Variants in CNTN5 observed in about 807,000 individuals in gnomAD.
CNTN5 encodes the protein contactin 5, also known as contactin-5.
Under a neutral mutation model 129.1 loss-of-function variants are expected in CNTN5, and 77 were observed. The observed-to-expected ratio is 0.60, with a 90% CI of 0.50 to 0.72. The LOEUF (loss-of-function observed/expected upper bound fraction) is 0.72. Ranked by LOEUF, CNTN5 falls within the 30% of genes least tolerant of loss-of-function variation. CNTN5 has a pLI of 0.00. For missense variants in CNTN5, 1,478 were observed against 1,328.8 expected, an observed-to-expected ratio of 1.11 and a Z score of -1.75; for synonymous variants, 509 against 465.6, an observed-to-expected ratio of 1.09 and a Z score of -1.20.
chr11:100,152,535 C>A (rs1051782552), intron 13 of CNTN5, among the ~76,000 whole-genome samples: 2 of 152,042 alleles, frequency 1.3e-5, no homozygotes, highest in Admixed American at 6.6e-5. Flanking sequence ...GCTGATGAAG[C>A]TGTGATGAAG....
At chr11:99,204,859 C>A (rs1285824908) in intron 1 of CNTN5, among the ~76,000 whole-genome samples, 1 of 152,152 alleles carries the variant, frequency 6.6e-6, no homozygotes, top group Admixed American at 6.5e-5. Context: ...CAGTTCCTTG[C>A]ACTTTTATTT....
intron 2 of CNTN5, among the ~76,000 whole-genome samples, chr11:99,485,876 T>C (rs10893402): frequency 0.58 from 87,527 of 151,756 alleles, 25,592 homozygotes; most frequent in South Asian, 0.67. Context: ...ATCAAGCAAT[T>C]GGTTTTCATT....
chr11:100,163,103 A>G (rs1591339320), intron 13 of CNTN5, among the ~76,000 whole-genome samples: 2 of 151,738 alleles, frequency 1.3e-5, no homozygotes, highest in East Asian at 3.9e-4. Context: ...ATCTTTCAAA[A>G]TCTCTGTACT....
chr11:99,972,997 T>G (rs2137314346), intron 8 of CNTN5, among the ~76,000 whole-genome samples: 1 of 152,166 alleles, frequency 6.6e-6, no homozygotes, highest in South Asian at 2.1e-4. Flanking sequence ...TTTAAAAAGA[T>G]ACATATTTCT....
At chr11:99,770,121 C>T (rs1041166477) in intron 3 of CNTN5, among the ~76,000 whole-genome samples, 1 of 151,948 alleles carries the variant, frequency 6.6e-6, no homozygotes, top group Non-Finnish European at 1.5e-5. Flanking sequence ...TTAAAATTTA[C>T]TTGAATTTGT....
intron 1 of CNTN5, among the ~76,000 whole-genome samples, chr11:99,035,909 C>A (rs1245465538): frequency 2.7e-5 from 4 of 146,810 alleles, no homozygotes; most frequent in African/African-American, 7.6e-5. Context: ...CGGCTGGTAC[C>A]AGTTGTTCCT....
chr11:100,352,971 A>T (rs568943707), intron 24 of CNTN5, among the ~76,000 whole-genome samples: 1 of 151,608 alleles, frequency 6.6e-6, no homozygotes, highest in Non-Finnish European at 1.5e-5. Flanking sequence ...TTTTCTATAT[A>T]TTATTTTATC....
intron 1 of CNTN5, among the ~76,000 whole-genome samples, chr11:99,277,760 T>A (rs755325138): frequency 6.6e-6 from 1 of 151,668 alleles, no homozygotes; most frequent in Non-Finnish European, 1.5e-5. Context: ...AAAAACAACA[T>A]GTATTATAGT....
chr11:99,899,481 A>T (rs937939262), intron 6 of CNTN5, among the ~76,000 whole-genome samples: 4 of 152,004 alleles, frequency 2.6e-5, no homozygotes, highest in African/African-American at 9.7e-5. Context: ...TATTGAGATG[A>T]TCATATAGTT....
At chr11:99,422,490 C>T (rs1942932389) in intron 2 of CNTN5, among the ~76,000 whole-genome samples, 1 of 134,296 alleles carries the variant, frequency 7.4e-6, no homozygotes, top group Non-Finnish European at 1.6e-5. Flanking sequence ...TATTGAAAAA[C>T]AAAAGCGATT....
chr11:99,462,650 G>T (rs1310568855), intron 2 of CNTN5, among the ~76,000 whole-genome samples: 1 of 152,144 alleles, frequency 6.6e-6, no homozygotes, highest in African/African-American at 2.4e-5. Context: ...CTCCAAAAGA[G>T]TCCGGTAGTA....
chr11:99,570,932 G>A (rs1367606521), intron 3 of CNTN5, among the ~76,000 whole-genome samples: 1 of 152,032 alleles, frequency 6.6e-6, no homozygotes, highest in Non-Finnish European at 1.5e-5. Flanking sequence ...AGGCAGGCAG[G>A]GAAAGACAAA....
chr11:99,166,244 T>C (rs749271591), intron 1 of CNTN5, among the ~76,000 whole-genome samples: 2 of 151,712 alleles, frequency 1.3e-5, no homozygotes, highest in South Asian at 2.1e-4. Flanking sequence ...CTACTAAATA[T>C]ACAAAAAATT....
intron 1 of CNTN5, among the ~76,000 whole-genome samples, chr11:99,103,738 C>A (rs1866854898): frequency 6.7e-6 from 1 of 148,420 alleles, no homozygotes. Flanking sequence ...ACCAGGTGAA[C>A]CATAAATCTA....
Position 99,687,385 on chromosome 11 carries a change from T to A in CNTN5, c.55+131116T>A, listed in dbSNP as rs376389802. On this transcript the variant is annotated intron_variant, in intron 3 of 24. Coordinates refer to ENST00000524871, the MANE Select transcript of CNTN5 (RefSeq NM_014361.4). ...TATTCTGGGTAAACATAAAGTAGTT[T>A]AGTAGCCACTGAATTTGCCTCATTG... Among the ~76,000 whole-genome samples the A allele has an allele frequency of 4.5e-4, 69 of 152,316 alleles. No homozygotes were observed. The South Asian group carries it at 0.014, about 32-fold the overall frequency.
intron 2 of CNTN5, among the ~76,000 whole-genome samples, chr11:99,345,733 T>G (rs186885331): frequency 6.6e-6 from 1 of 152,314 alleles, no homozygotes; most frequent in Admixed American, 6.5e-5. Flanking sequence ...ATGTAGATTA[T>G]ATATATTTGT....
At chr11:99,801,155 C>T (rs910123196) in intron 3 of CNTN5, among the ~76,000 whole-genome samples, 6 of 152,110 alleles carry the variant, frequency 3.9e-5, no homozygotes, top group African/African-American at 7.2e-5. Context: ...AGGGCTTGCT[C>T]GTCTGCAAAA....
intron 2 of CNTN5, among the ~76,000 whole-genome samples, chr11:99,358,934 A>C: frequency 6.6e-6 from 1 of 152,164 alleles, no homozygotes; most frequent in East Asian, 1.9e-4. Flanking sequence ...ACAAAAACAA[A>C]TTGGTCTGTT....
chr11:99,756,543 A>G (rs528476554), intron 3 of CNTN5, among the ~76,000 whole-genome samples: 2 of 152,242 alleles, frequency 1.3e-5, no homozygotes, highest in Admixed American at 6.5e-5. Flanking sequence ...TTTCCCTGCT[A>G]AGATCACTAG....
Sources: allele counts gnomAD v4.1 joint callset (sites outside exome capture counted in the v4.1 genomes callset), GRCh38; gene constraint gnomAD v4.1.1; transcripts MANE v1.5; gene names NCBI Gene and HGNC (gene_info 2026-07-23, HGNC 2026-07-21).